The following FIGN variants were observed in gnomAD, a reference collection of about 807,000 sequenced individuals.
The protein encoded by FIGN is fidgetin, microtubule severing factor, also known as fidgetin.
FIGN carries 11 observed loss-of-function variants against 51.3 expected under a neutral mutation model. The observed-to-expected ratio is 0.21, with a 90% CI of 0.13 to 0.35. The LOEUF is 0.35. FIGN is among the 10% of genes least tolerant of loss of function. The pLI is 1.00. For synonymous variants in FIGN, 407 were observed against 363.2 expected (o/e 1.12, Z -1.37); for missense variants, 857 against 943.6 (o/e 0.91, Z 1.20).
At chr2:163,670,030 A>G (rs1683850095) in intron 2 of FIGN, among the ~76,000 whole-genome samples, 2 of 152,216 alleles carry the variant, frequency 1.3e-5, no homozygotes, top group African/African-American at 4.8e-5. Flanking sequence ...ACAAGAATTA[A>G]TATTACAAGA....
chr2:163,674,557 G>C (rs917030787), intron 2 of FIGN, among the ~76,000 whole-genome samples: 2 of 152,168 alleles, frequency 1.3e-5, no homozygotes, highest in Non-Finnish European at 2.9e-5. Context: ...ATTTAACTCA[G>C]ACTTACAGTA....
intron 1 of FIGN, 139 bp from the exon 2 acceptor site, chr2:163,735,211 C>T: frequency 2.2e-6 from 1 of 447,694 alleles, no homozygotes; most frequent in South Asian, 2.9e-5. Flanking sequence ...TTGAAACTAA[C>T]AAGAGCTCCG....
intron 2 of FIGN, among the ~76,000 whole-genome samples, chr2:163,620,284 C>T (rs1682945598): frequency 6.6e-6 from 1 of 152,036 alleles, no homozygotes; most frequent in Middle Eastern, 3.2e-3. Flanking sequence ...TTCTTATGCC[C>T]TCTCTTTCCT....
intron 2 of FIGN, among the ~76,000 whole-genome samples, chr2:163,614,952 T>C (rs1001417590): frequency 6.6e-6 from 1 of 152,150 alleles, no homozygotes; most frequent in African/African-American, 2.4e-5. Flanking sequence ...AAGACAGTAG[T>C]ATACAGTTTA....
intron 2 of FIGN, among the ~76,000 whole-genome samples, chr2:163,681,521 G>C (rs77021159): frequency 0.015 from 2,283 of 152,144 alleles, 58 homozygotes; most frequent in African/African-American, 0.052. Flanking sequence ...GATCAGCCTG[G>C]GCAGCATAAT....
intron 2 of FIGN, among the ~76,000 whole-genome samples, chr2:163,638,027 T>C (rs1250933114): frequency 6.6e-6 from 1 of 152,024 alleles, no homozygotes; most frequent in Admixed American, 6.6e-5. Context: ...AATTCTCCTA[T>C]CTCTTCACAC....
intron 2 of FIGN, among the ~76,000 whole-genome samples, chr2:163,713,178 ATC>A (rs1684614839): frequency 6.6e-6 from 1 of 152,144 alleles, no homozygotes; most frequent in African/African-American, 2.4e-5. Context: ...AATTTTGCAA[ATC>A]TCTGTTTTGT....
intron 2 of FIGN, among the ~76,000 whole-genome samples, chr2:163,644,785 C>T (rs1401955793): frequency 6.6e-6 from 1 of 152,134 alleles, no homozygotes; most frequent in Non-Finnish European, 1.5e-5. Context: ...CCTGAGTGAA[C>T]TTTGAAAAAT....
chr2:163,652,677 C>T (rs1167750605), intron 2 of FIGN, among the ~76,000 whole-genome samples: 1 of 152,006 alleles, frequency 6.6e-6, no homozygotes, highest in Non-Finnish European at 1.5e-5. Context: ...GAATGATTCC[C>T]ACTCCTATCT....
chr2:163,609,868 C>T lies in FIGN; in HGVS notation c.1964G>A (p.Ser655Asn). 3 of 1,614,148 alleles carry T rather than the reference C, an allele frequency of 1.9e-6. No homozygotes were observed. The highest frequency in any genetic ancestry group is 2.5e-6 in the Non-Finnish European group (3 of 1,180,020). Residue 655 changes from serine to asparagine, a missense_variant, in exon 3 of 3, where the codon AGC becomes AAC. Transcript: ENST00000333129. ...MKRLLIPLPD[S>N]TARHQIIVQL... The stretch of plus-strand genomic sequence containing the variant: ...TACTATTATCTGGTGCCTCGCTGTG[C>T]TGTCAGGAAGTGGGATTAAAAGTCG...
At chr2:163,619,490 A>C (rs575993787) in intron 2 of FIGN, among the ~76,000 whole-genome samples, 2 of 152,300 alleles carry the variant, frequency 1.3e-5, no homozygotes, top group South Asian at 4.1e-4. Context: ...TCTACAATGC[A>C]TTAAATTGTA....
At position 163,667,579 on chromosome 2, in the gene FIGN, T is replaced by C. The variant is rs141088758; in HGVS notation, c.26-55773A>G. On this transcript the variant is annotated intron_variant, in intron 2 of 2. Coordinates refer to ENST00000333129, the MANE Select transcript of FIGN (RefSeq NM_018086.4). ...ATTCCTCAAGTACTGCATACCACTG[T>C]GCCTTGGCATATGCTAGTATCTCAG... 6.9e-3 allele frequency among the ~76,000 whole-genome samples: 1,054 copies of C among 152,338 alleles called. 8 individuals are homozygous for C. Among genetic ancestry groups the C allele is most frequent in the African/African-American group, 0.025 (1,025 of 41,586 alleles).
At chr2:163,719,393 T>C (rs780995440) in intron 2 of FIGN, among the ~76,000 whole-genome samples, 3 of 152,166 alleles carry the variant, frequency 2.0e-5, no homozygotes, top group South Asian at 2.1e-4. Context: ...TACACAGACA[T>C]AGGCACACAG....
intron 2 of FIGN, among the ~76,000 whole-genome samples, chr2:163,724,322 G>A (rs2105365010): frequency 6.6e-6 from 1 of 152,246 alleles, no homozygotes; most frequent in Middle Eastern, 3.4e-3. Flanking sequence ...CATGTCATTA[G>A]TATATTCAGT....
chr2:163,703,976 T>C (rs533402766), intron 2 of FIGN, among the ~76,000 whole-genome samples: 1 of 152,268 alleles, frequency 6.6e-6, no homozygotes, highest in South Asian at 2.1e-4. Flanking sequence ...CAGGAAAGCC[T>C]ATCCACATTA....
At chr2:163,721,589 TA>T (rs2105363347) in intron 2 of FIGN, among the ~76,000 whole-genome samples, 1 of 149,700 alleles carries the variant, frequency 6.7e-6, no homozygotes, top group South Asian at 2.1e-4. Flanking sequence ...TACAATTAAC[TA>T]AGCAACATTT....
chr2:163,627,187 G>C (rs1008069642), intron 2 of FIGN, among the ~76,000 whole-genome samples: 1 of 151,836 alleles, frequency 6.6e-6, no homozygotes. Flanking sequence ...CTATGGACTC[G>C]CCCAGAATTC....
chr2:163,629,786 T>C (rs750599506), intron 2 of FIGN, among the ~76,000 whole-genome samples: 4 of 151,890 alleles, frequency 2.6e-5, no homozygotes, highest in Admixed American at 6.6e-5. Context: ...CAATCCTTGC[T>C]CTAGGCTGAG....
chr2:163,615,596 G>A (rs1176488669), intron 2 of FIGN, among the ~76,000 whole-genome samples: 1 of 152,126 alleles, frequency 6.6e-6, no homozygotes, highest in African/African-American at 2.4e-5. Flanking sequence ...AATTATGTGT[G>A]AGTCAGAAGC....
Sources: gnomAD v4.1 joint callset for allele counts (sites outside exome capture counted in the v4.1 genomes callset) on GRCh38, gnomAD v4.1.1 for gene constraint, MANE v1.5 for transcripts, NCBI Gene and HGNC (gene_info 2026-07-23, HGNC 2026-07-21) for gene names.